Variants in ASCC1 observed in about 807,000 individuals in gnomAD.
ASCC1 encodes ASC-1 complex subunit P50.
In ASCC1, 35 loss-of-function variants were observed where a neutral mutation model predicts 46.6. That is an observed-to-expected ratio of 0.75 (90% CI 0.57 to 0.99). The LOEUF (loss-of-function observed/expected upper bound fraction) is 0.99, where lower values mean the gene tolerates loss of function less well. ASCC1 is among the 50% of genes least tolerant of loss of function. The probability of loss-of-function intolerance (pLI) is 0.00; values close to 1 mark genes in which losing one functional copy is unlikely to be tolerated. For synonymous variants in ASCC1, 143 were observed against 146.6 expected (o/e 0.98, Z 0.18); for missense variants, 376 against 428.7 (o/e 0.88, Z 1.09).
At chr10:72,143,068 G>A (rs1847216328) in intron 7 of ASCC1, among the ~76,000 whole-genome samples, 2 of 149,780 alleles carry the variant, frequency 1.3e-5, no homozygotes, top group Admixed American at 6.8e-5. Flanking sequence ...GGACAAGGCA[G>A]AAGAATGGCG....
intron 5 of ASCC1, among the ~76,000 whole-genome samples, chr10:72,169,923 C>T (rs1478210273): frequency 6.6e-6 from 1 of 152,104 alleles, no homozygotes; most frequent in Non-Finnish European, 1.5e-5. Context: ...AGTTCGAGAC[C>T]AGCCTGGCCA....
chr10:72,216,839 A>C (rs1457486920), upstream of ASCC1: 1 of 456,218 alleles, frequency 2.2e-6, no homozygotes, highest in South Asian at 1.5e-5. Context: ...GCCAAGTCCC[A>C]GGATACTTCA....
chr10:72,116,066 A>G (rs1843461125), intron 9 of ASCC1, among the ~76,000 whole-genome samples: 2 of 152,362 alleles, frequency 1.3e-5, no homozygotes, highest in South Asian at 4.1e-4. Context: ...GGAAGGTGCT[A>G]TATAAACACA....
At chr10:72,174,253 AGGCC>A (rs1851595830) in intron 5 of ASCC1, among the ~76,000 whole-genome samples, 1 of 152,148 alleles carries the variant, frequency 6.6e-6, no homozygotes, top group Non-Finnish European at 1.5e-5. Context: ...ACATCATCAC[AGGCC>A]CTTCACTGGC....
At chr10:72,111,062 A>G (rs1842868015) in intron 9 of ASCC1, among the ~76,000 whole-genome samples, 1 of 152,206 alleles carries the variant, frequency 6.6e-6, no homozygotes, top group Non-Finnish European at 1.5e-5. Context: ...CTTTTCTATA[A>G]TCTAATTCAG....
chr10:72,136,544 T>C (rs1412680198), intron 7 of ASCC1, among the ~76,000 whole-genome samples: 1 of 152,080 alleles, frequency 6.6e-6, no homozygotes, highest in East Asian at 1.9e-4. Context: ...CTCTGTAAAA[T>C]GGACCAATCA....
chr10:72,185,344 G>T lies in ASCC1; in HGVS notation c.489+11467C>A, dbSNP rs1853292968. On this transcript the variant is annotated intron_variant, in intron 5 of 9. Coordinates refer to ENST00000672957, the MANE Select transcript of ASCC1 (RefSeq NM_001198800.3). ...TCTGCACAAATTTATAATAGCCAAAGACTAGAAACCATCCAAACATCTATC... is the reference window on the plus strand; with the variant it reads ...TCTGCACAAATTTATAATAGCCAAATACTAGAAACCATCCAAACATCTATC... 2.0e-5 allele frequency among the ~76,000 whole-genome samples: 3 copies of T among 152,222 alleles called. No homozygotes were observed. In the South Asian group the frequency reaches 6.2e-4, roughly 32 times the overall value.
intron 7 of ASCC1, among the ~76,000 whole-genome samples, chr10:72,142,834 T>C (rs185815518): frequency 7.2e-5 from 11 of 152,274 alleles, no homozygotes; most frequent in East Asian, 1.9e-4. Context: ...ACAATTCATA[T>C]AGTCTCTCAA....
intron 9 of ASCC1, among the ~76,000 whole-genome samples, chr10:72,109,439 A>G (rs1842690768): frequency 6.6e-6 from 1 of 152,182 alleles, no homozygotes; most frequent in African/African-American, 2.4e-5. Context: ...CCTGCTCTCA[A>G]ATCACCTGCC....
In ASCC1 at chr10:72,199,779, G is replaced by A. The variant is rs369637280; in HGVS notation, c.311-2790C>T. On this transcript the variant is annotated intron_variant, in intron 4 of 9. Transcript: ENST00000672957. ...GAGACAGTCTCGCTCTGTCACCCAG[G>A]AGGGAGTGCACTGGTGCGATTGGCT... is the stretch of plus-strand genomic sequence containing the variant. Among the ~76,000 whole-genome samples, 6 of 152,014 alleles carry A rather than the reference G, an allele frequency of 3.9e-5. No individual in the cohort carries two copies. In the East Asian group the frequency reaches 9.6e-4, roughly 24 times the overall value.
At chr10:72,163,684 G>A (rs1462575692) in intron 5 of ASCC1, among the ~76,000 whole-genome samples, 13 of 151,474 alleles carry the variant, frequency 8.6e-5, no homozygotes, top group African/African-American at 2.2e-4. Flanking sequence ...GCAGTGAGCC[G>A]AGATCGCACC....
At position 72,102,984 on chromosome 10, in the gene ASCC1, C is replaced by T. The variant is rs1002539688; in HGVS notation, c.958-5534G>A. The T allele has an allele frequency of 4.5e-5, 20 of 439,880 alleles. No individual in the cohort carries two copies. The highest frequency in any genetic ancestry group is 9.0e-5 in the Non-Finnish European group (20 of 221,240). The allele number at this position is 439,880 out of a possible 1,614,324, so 27.2% of individuals were successfully genotyped here. On this transcript the variant is annotated intron_variant, in intron 9 of 9. Coordinates refer to ENST00000672957, the MANE Select transcript of ASCC1 (RefSeq NM_001198800.3). Reference sequence around the variant, plus strand: ...GGCAAAGCTCTGTCTCAAAACAAAACAAAAAAAAGATCAAAGTGAACTAGA... The same window carrying T: ...GGCAAAGCTCTGTCTCAAAACAAAATAAAAAAAAGATCAAAGTGAACTAGA...
intron 5 of ASCC1, among the ~76,000 whole-genome samples, chr10:72,167,760 C>G (rs1472340811): frequency 6.6e-6 from 1 of 151,830 alleles, no homozygotes; most frequent in East Asian, 1.9e-4. Flanking sequence ...CCTCAGCCTC[C>G]CTGTGGCTGG....
At chr10:72,110,518 G>GCCAATCTTATGTATATTTTACCACAAT (rs1842809761) in intron 9 of ASCC1, among the ~76,000 whole-genome samples, 1 of 152,024 alleles carries the variant, frequency 6.6e-6, no homozygotes, top group African/African-American at 2.4e-5. Flanking sequence ...GCCGGGCGCA[G>GCCAATCTTATGTATATTTTACCACAAT]TGGCCCATGC....
intron 5 of ASCC1, among the ~76,000 whole-genome samples, chr10:72,190,951 G>A (rs1854355947): frequency 7.1e-6 from 1 of 139,978 alleles, no homozygotes; most frequent in South Asian, 2.3e-4. Flanking sequence ...AGCCAAGATC[G>A]CGCCATTGCA....
At chr10:72,167,244 C>T (rs887728517) in intron 5 of ASCC1, among the ~76,000 whole-genome samples, 43 of 152,132 alleles carry the variant, frequency 2.8e-4, no homozygotes, top group Admixed American at 1.3e-4. Context: ...AAAATGTAGG[C>T]TAGCCATATA....
chr10:72,175,971 T>C (rs1169941104), intron 5 of ASCC1, among the ~76,000 whole-genome samples: 2 of 152,242 alleles, frequency 1.3e-5, no homozygotes, highest in Non-Finnish European at 2.9e-5. Flanking sequence ...ATGGGATTAC[T>C]ACAAGTCTTA....
intron 3 of ASCC1, among the ~76,000 whole-genome samples, chr10:72,206,179 T>C (rs898915932): frequency 1.3e-5 from 2 of 148,466 alleles, no homozygotes; most frequent in Non-Finnish European, 3.0e-5. Context: ...CTGAGGCGGG[T>C]GGATCACCTG....
intron 5 of ASCC1, among the ~76,000 whole-genome samples, chr10:72,169,612 G>A (rs1320469008): frequency 1.3e-5 from 2 of 152,102 alleles, no homozygotes; most frequent in Non-Finnish European, 2.9e-5. Flanking sequence ...GGAGAAAGGG[G>A]CAGAAAGAAT....
Sources: gnomAD v4.1 joint callset for allele counts (sites outside exome capture counted in the v4.1 genomes callset) on GRCh38, gnomAD v4.1.1 for gene constraint, MANE v1.5 for transcripts, NCBI Gene and HGNC (gene_info 2026-07-23, HGNC 2026-07-21) for gene names.